MEOX2: variants seen among roughly 807,000 people sequenced by gnomAD.
The protein encoded by MEOX2 is homeobox protein MOX-2.
In MEOX2, 11 loss-of-function variants were observed where a neutral mutation model predicts 27.0. The ratio of observed to expected loss-of-function variants is 0.41; its 90% CI spans 0.26 to 0.68. MEOX2 has a LOEUF of 0.68. MEOX2 is among the 30% of genes least tolerant of loss of function. The pLI is 0.33. For synonymous variants in MEOX2, 189 were observed against 155.4 expected, an observed-to-expected ratio of 1.22 and a Z score of -1.61; for missense variants, 436 against 385.4, an observed-to-expected ratio of 1.13 and a Z score of -1.10.
intron 1 of MEOX2, among the ~76,000 whole-genome samples, chr7:15,630,725 G>A (rs1781387886): frequency 6.6e-6 from 1 of 151,952 alleles, no homozygotes; most frequent in Non-Finnish European, 1.5e-5. Context: ...GTTATGGAAA[G>A]CTAATAATTT....
intron 2 of MEOX2, among the ~76,000 whole-genome samples, chr7:15,618,992 GT>G (rs1781170653): frequency 6.6e-6 from 1 of 151,964 alleles, no homozygotes; most frequent in Admixed American, 6.6e-5. Flanking sequence ...GCATCTCTGA[GT>G]TTTTCATGAG....
chr7:15,674,900 A>T (rs116579942), intron 1 of MEOX2, among the ~76,000 whole-genome samples: 2,906 of 152,240 alleles, frequency 0.019, 98 homozygotes, highest in African/African-American at 0.068. Context: ...TCTTCTGTGC[A>T]AAAAGACTAT....
intron 2 of MEOX2, among the ~76,000 whole-genome samples, chr7:15,620,744 T>C (rs1195066820): frequency 1.3e-5 from 2 of 152,250 alleles, no homozygotes; most frequent in Non-Finnish European, 2.9e-5. Context: ...ATCCCTCTCA[T>C]TTCCACCAAT....
At chr7:15,670,203 T>G (rs2077952746) in intron 1 of MEOX2, among the ~76,000 whole-genome samples, 1 of 152,260 alleles carries the variant, frequency 6.6e-6, no homozygotes, top group African/African-American at 2.4e-5. Flanking sequence ...ATCTTACACA[T>G]GTGCATTATG....
At chr7:15,657,400 T>C (rs1014842754) in intron 1 of MEOX2, among the ~76,000 whole-genome samples, 4 of 152,142 alleles carry the variant, frequency 2.6e-5, no homozygotes, top group Non-Finnish European at 5.9e-5. Flanking sequence ...TTTTTATCAT[T>C]CATTATGGAT....
At chr7:15,683,103 C>T (rs1457996162) in intron 1 of MEOX2, among the ~76,000 whole-genome samples, 3 of 151,724 alleles carry the variant, frequency 2.0e-5, no homozygotes, top group African/African-American at 7.3e-5. Flanking sequence ...GAGAAGCTTA[C>T]GTATTATAGT....
At chr7:15,684,831 T>A (rs987459276) in intron 1 of MEOX2, among the ~76,000 whole-genome samples, 1 of 152,266 alleles carries the variant, frequency 6.6e-6, no homozygotes, top group South Asian at 2.1e-4. Flanking sequence ...ACAAGTCTCT[T>A]AATTTTAAAG....
intron 2 of MEOX2, among the ~76,000 whole-genome samples, chr7:15,624,247 T>C (rs763510879): frequency 2.2e-4 from 34 of 152,262 alleles, no homozygotes; most frequent in Non-Finnish European, 3.8e-4. Flanking sequence ...TCTGCATGTA[T>C]ACATCTTTTC....
intron 2 of MEOX2, among the ~76,000 whole-genome samples, chr7:15,622,213 AC>A (rs1446606031): frequency 6.6e-6 from 1 of 152,228 alleles, no homozygotes; most frequent in Non-Finnish European, 1.5e-5. Context: ...AGATAGATAT[AC>A]ATATAGTTAG....
chr7:15,663,284 A>G (rs534864681), intron 1 of MEOX2, among the ~76,000 whole-genome samples: 3 of 152,270 alleles, frequency 2.0e-5, no homozygotes, highest in African/African-American at 7.2e-5. Flanking sequence ...GTAAGAACTC[A>G]TCTTGTGGCC....
At chr7:15,667,311 A>AAAAAAAAAAAAAAAC (rs1358421191) in intron 1 of MEOX2, among the ~76,000 whole-genome samples, 1 of 148,742 alleles carries the variant, frequency 6.7e-6, no homozygotes, top group Non-Finnish European at 1.5e-5. Context: ...AAAAAAAAAA[A>AAAAAAAAAAAAAAAC]AGTAGGAAAT....
At chr7:15,615,939 C>T (rs968244002) in intron 2 of MEOX2, among the ~76,000 whole-genome samples, 2 of 151,738 alleles carry the variant, frequency 1.3e-5, no homozygotes, top group Non-Finnish European at 2.9e-5. Context: ...CAGTATAAAA[C>T]CTGTTATGGG....
At chr7:15,633,138 C>A (rs546893605) in intron 1 of MEOX2, among the ~76,000 whole-genome samples, 1 of 151,874 alleles carries the variant, frequency 6.6e-6, no homozygotes, top group African/African-American at 2.4e-5. Context: ...TATACTAGAA[C>A]GTAAGTGTTT....
intron 1 of MEOX2, among the ~76,000 whole-genome samples, chr7:15,662,112 T>G (rs1436979736): frequency 8.3e-6 from 1 of 120,132 alleles, no homozygotes; most frequent in South Asian, 3.0e-4. Context: ...TCTTTACTGG[T>G]GTTGACTAGG....
At chr7:15,616,995 C>T (rs1425428916) in intron 2 of MEOX2, among the ~76,000 whole-genome samples, 2 of 152,008 alleles carry the variant, frequency 1.3e-5, no homozygotes, top group South Asian at 2.1e-4. Context: ...TTAGGTTTCA[C>T]AATATATTAC....
At chr7:15,671,608 T>G (rs533017424) in intron 1 of MEOX2, among the ~76,000 whole-genome samples, 2 of 152,302 alleles carry the variant, frequency 1.3e-5, no homozygotes, top group South Asian at 4.1e-4. Flanking sequence ...TGGTTACTTA[T>G]CAGTGTCTCA....
intron 1 of MEOX2, chr7:15,680,619 G>C (rs899553624): frequency 1.3e-5 from 2 of 151,824 alleles, no homozygotes; most frequent in Non-Finnish European, 3.0e-5. Context: ...GCTAGTAAAA[G>C]AAATAGTCAT....
chr7:15,655,589 A>G (rs926725618), intron 1 of MEOX2, among the ~76,000 whole-genome samples: 2 of 151,746 alleles, frequency 1.3e-5, no homozygotes, highest in Non-Finnish European at 3.0e-5. Context: ...CTTGCAGATC[A>G]ATGTATTTTT....
chr7:15,631,330 C>T (rs1489038045), intron 1 of MEOX2, among the ~76,000 whole-genome samples: 1 of 151,492 alleles, frequency 6.6e-6, no homozygotes, highest in Non-Finnish European at 1.5e-5. Context: ...CTTGATTATT[C>T]TTGGGTTTGT....
Sources: gnomAD v4.1 joint callset for allele counts (sites outside exome capture counted in the v4.1 genomes callset) on GRCh38, gnomAD v4.1.1 for gene constraint, MANE v1.5 for transcripts, NCBI Gene and HGNC (gene_info 2026-07-23, HGNC 2026-07-21) for gene names.